NUMB: variants seen among roughly 807,000 people sequenced by gnomAD.
NUMB encodes protein numb homolog.
Under a neutral mutation model 59.7 loss-of-function variants are expected in NUMB, and 29 were observed. That is an observed-to-expected ratio of 0.49 (90% CI 0.36 to 0.66). The LOEUF (loss-of-function observed/expected upper bound fraction) is 0.66, where lower values mean the gene tolerates loss of function less well. Ranked by LOEUF, NUMB falls within the 30% of genes least tolerant of loss-of-function variation. The pLI is 0.00. For missense variants in NUMB, 723 were observed against 822.0 expected (o/e 0.88, Z 1.47); for synonymous variants, 288 against 288.2 (o/e 1.00, Z 0.01).
At chr14:73,331,967 A>G (rs1463895003) in intron 4 of NUMB, among the ~76,000 whole-genome samples, 2 of 152,074 alleles carry the variant, frequency 1.3e-5, no homozygotes, top group African/African-American at 4.8e-5. Flanking sequence ...CTATCCTAAG[A>G]CCTATTTTAC....
chr14:73,278,972 C>T (rs570408634), intron 12 of NUMB, among the ~76,000 whole-genome samples: 5 of 152,270 alleles, frequency 3.3e-5, no homozygotes, highest in Non-Finnish European at 7.4e-5. Context: ...GATCCACCCA[C>T]CTCAGCCTCC....
chr14:73,402,085 C>T (rs1201275960), intron 2 of NUMB, among the ~76,000 whole-genome samples: 1 of 152,142 alleles, frequency 6.6e-6, no homozygotes, highest in African/African-American at 2.4e-5. Flanking sequence ...AGGCTGCAAT[C>T]AAACTCCTGA....
chr14:73,296,964 T>TC (rs1889818370), intron 7 of NUMB, among the ~76,000 whole-genome samples: 1 of 152,196 alleles, frequency 6.6e-6, no homozygotes, highest in African/African-American at 2.4e-5. Flanking sequence ...GGTCAGGAGT[T>TC]CGAGACCAGC....
chr14:73,367,294 TATACAC>T (rs1382943685), intron 2 of NUMB, among the ~76,000 whole-genome samples: 12 of 116,814 alleles, frequency 1.0e-4, no homozygotes, highest in East Asian at 4.4e-4. Flanking sequence ...TATATATATA[TATACAC>T]ACACACACAC....
chr14:73,305,396 T>A (rs1411370025), intron 6 of NUMB, among the ~76,000 whole-genome samples: 2 of 151,932 alleles, frequency 1.3e-5, no homozygotes, highest in African/African-American at 4.8e-5. Flanking sequence ...CCCGAATTCA[T>A]TTTCTTTTTT....
Position 73,280,101 on chromosome 14 carries a change from G to A in NUMB, c.1097-677C>T, listed in dbSNP as rs1361067851. Reference sequence around the variant, plus strand: ...GAACCCGGGAGGCGGAGGTTGCAATGAGCCTAGATCACACCACTGCACTCC... The same window carrying A: ...GAACCCGGGAGGCGGAGGTTGCAATAAGCCTAGATCACACCACTGCACTCC... On this transcript the variant is annotated intron_variant, in intron 11 of 12. Coordinates refer to ENST00000555238, the MANE Select transcript of NUMB (RefSeq NM_001005743.2). Among the ~76,000 whole-genome samples the A allele has an allele frequency of 2.6e-5, 4 of 152,172 alleles. No individual in the cohort carries two copies. The East Asian group carries it at 5.8e-4, about 22-fold the overall frequency.
At chr14:73,365,649 C>T (rs1428913354) in intron 3 of NUMB, among the ~76,000 whole-genome samples, 1 of 152,064 alleles carries the variant, frequency 6.6e-6, no homozygotes, top group African/African-American at 2.4e-5. Flanking sequence ...CTACAGAGCT[C>T]TGGGGTTCAT....
chr14:73,444,873 A>T (rs1018282203), intron 1 of NUMB, among the ~76,000 whole-genome samples: 40 of 146,710 alleles, frequency 2.7e-4, no homozygotes, highest in African/African-American at 8.2e-4. Flanking sequence ...AAAAAAAAAG[A>T]AAGTAGGCAA....
At position 73,389,099 on chromosome 14, in the gene NUMB, A is replaced by T. The variant is rs1432092406; in HGVS notation, c.-101+20838T>A. Reference sequence around the variant, plus strand: ...AGGCGACAGAGCAAGACTCTGCCTTAAAAAAAAAAAAAAAAAAAAAAATTA... The same window carrying T: ...AGGCGACAGAGCAAGACTCTGCCTTTAAAAAAAAAAAAAAAAAAAAAATTA... On this transcript the variant is annotated intron_variant, in intron 2 of 12. Transcript: ENST00000555238. Among the ~76,000 whole-genome samples the T allele has an allele frequency of 5.6e-4, 4 of 7,152 alleles. No homozygotes were observed. The African/African-American group carries it at 8.8e-3, about 16-fold the overall frequency. The allele number at this position is 7,152 out of a possible 152,430, so 4.7% of individuals were successfully genotyped here.
chr14:73,378,028 C>T (rs958486707), intron 2 of NUMB, among the ~76,000 whole-genome samples: 1 of 151,492 alleles, frequency 6.6e-6, no homozygotes, highest in Non-Finnish European at 1.5e-5. Context: ...CATACACACA[C>T]ACACACACAT....
intron 4 of NUMB, among the ~76,000 whole-genome samples, chr14:73,342,993 A>AT (rs1193385835): frequency 2.1e-5 from 3 of 142,620 alleles, no homozygotes; most frequent in Non-Finnish European, 3.0e-5. Flanking sequence ...TGTCTGGCTA[A>AT]TTTTTTCTGT....
chr14:73,426,802 G>A (rs1301527548), intron 1 of NUMB, among the ~76,000 whole-genome samples: 2 of 151,862 alleles, frequency 1.3e-5, no homozygotes, highest in Non-Finnish European at 2.9e-5. Flanking sequence ...AGCCAAGATG[G>A]TGCCACTGCA....
chr14:73,371,725 G>GATTA (rs1692610478), intron 2 of NUMB, among the ~76,000 whole-genome samples: 2 of 152,094 alleles, frequency 1.3e-5, no homozygotes, highest in African/African-American at 4.8e-5. Flanking sequence ...TCCTGAATGG[G>GATTA]ATTAAGGCTT....
rs556658497 is a variant in NUMB, at chr14:73,368,523, C to G, written c.-100-1542G>C. The stretch of plus-strand genomic sequence containing the variant: ...ACTTGAACCTGGGAGGCGGAGGTTA[C>G]AGTGAGCCGAGATCGCGCCATTGCA... On this transcript the variant is annotated intron_variant, in intron 2 of 12. Transcript: ENST00000555238. Among the ~76,000 whole-genome samples, 40 of 151,682 alleles carry G rather than the reference C, an allele frequency of 2.6e-4. 1 individual carries two copies. The highest frequency in any genetic ancestry group is 8.5e-4 in the African/African-American group (35 of 41,334).
At chr14:73,406,092 G>GTTTTA (rs1555379349) in intron 2 of NUMB, among the ~76,000 whole-genome samples, 8 of 107,458 alleles carry the variant, frequency 7.4e-5, no homozygotes, top group African/African-American at 2.2e-4. Flanking sequence ...ACATATTTTT[G>GTTTTA]TTTTTTTTTT....
At chr14:73,355,854 A>G in intron 3 of NUMB, 88 bp from the exon 4 acceptor site, 4 of 955,416 alleles carry the variant, frequency 4.2e-6, no homozygotes, top group Non-Finnish European at 6.1e-6. Context: ...CAAAAATCTG[A>G]TGTCCAAAAT....
chr14:73,381,258 CAATA>C (rs1895226146), intron 2 of NUMB, among the ~76,000 whole-genome samples: 1 of 150,872 alleles, frequency 6.6e-6, no homozygotes, highest in East Asian at 1.9e-4. Flanking sequence ...TATTTCTATA[CAATA>C]AATAACTAGA....
rs373073763 is a variant in NUMB at position 73,453,764 on chromosome 14, T to C, written c.-233+4729A>G. ...CTGGGACTACAGTCGCGTGCCACCA[T>C]GCCCAGCTAATTTTTTGTGTTTTTA... On this transcript the variant is annotated intron_variant, in intron 1 of 12. Transcript: ENST00000555238. Among the ~76,000 whole-genome samples the C allele has an allele frequency of 3.9e-4, 60 of 152,108 alleles. 1 individual carries two copies. Among genetic ancestry groups the C allele is most frequent in the African/African-American group, 1.4e-3 (58 of 41,506 alleles).
intron 4 of NUMB, among the ~76,000 whole-genome samples, chr14:73,346,954 A>G (rs1013807969): frequency 6.6e-5 from 10 of 152,184 alleles, no homozygotes; most frequent in Non-Finnish European, 1.5e-4. Context: ...AGTAGTTCCC[A>G]TCTTAATAAC....
Sources: allele counts gnomAD v4.1 joint callset (sites outside exome capture counted in the v4.1 genomes callset), GRCh38; gene constraint gnomAD v4.1.1; transcripts MANE v1.5; gene names NCBI Gene and HGNC (gene_info 2026-07-23, HGNC 2026-07-21).